The following WDR70 variants were observed in gnomAD, a reference collection of about 807,000 sequenced individuals.
WDR70 encodes WD repeat domain 70.
A neutral mutation model predicts 88.6 loss-of-function variants in WDR70; 53 were observed. The ratio of observed to expected loss-of-function variants is 0.60; its 90% CI spans 0.48 to 0.75. WDR70 has a LOEUF of 0.75. Among genes scored for constraint, WDR70 ranks in the 30% least tolerant of loss-of-function variants. WDR70 has a pLI of 0.00. For missense variants in WDR70, 610 were observed against 823.2 expected (o/e 0.74, Z 3.17); for synonymous variants, 280 against 270.0 (o/e 1.04, Z -0.36).
chr5:37,610,039 C>T (rs1418828271), intron 10 of WDR70, among the ~76,000 whole-genome samples: 2 of 152,000 alleles, frequency 1.3e-5, no homozygotes, highest in Admixed American at 6.5e-5. Context: ...GCCTGCAATC[C>T]CAGCACTTTG....
intron 5 of WDR70, among the ~76,000 whole-genome samples, chr5:37,424,845 T>C (rs1750072248): frequency 6.6e-6 from 1 of 152,234 alleles, no homozygotes; most frequent in Non-Finnish European, 1.5e-5. Flanking sequence ...TTTTTATATG[T>C]GCCTACTATA....
intron 5 of WDR70, among the ~76,000 whole-genome samples, chr5:37,406,446 C>T (rs1749356058): frequency 6.6e-6 from 1 of 152,162 alleles, no homozygotes; most frequent in Non-Finnish European, 1.5e-5. Flanking sequence ...AATATAGAAT[C>T]GTGATTAAGA....
At chr5:37,571,424 G>C (rs1440295697) in intron 9 of WDR70, among the ~76,000 whole-genome samples, 1 of 152,158 alleles carries the variant, frequency 6.6e-6, no homozygotes, top group African/African-American at 2.4e-5. Context: ...ATATTTAACA[G>C]TCAGTCAAAG....
intron 13 of WDR70, among the ~76,000 whole-genome samples, chr5:37,710,501 CAA>C (rs1747481077): frequency 6.6e-6 from 1 of 152,124 alleles, no homozygotes; most frequent in African/African-American, 2.4e-5. Flanking sequence ...TCGTGGAAGA[CAA>C]TATTTCCACA....
At chr5:37,624,958 T>A (rs487325) in intron 10 of WDR70, among the ~76,000 whole-genome samples, 4,620 of 152,226 alleles carry the variant, frequency 0.03, 243 homozygotes, top group African/African-American at 0.11. Context: ...GTTTTTACAC[T>A]GAAAGCCAGA....
chr5:37,585,932 T>C (rs915410913), intron 9 of WDR70, among the ~76,000 whole-genome samples: 3 of 152,204 alleles, frequency 2.0e-5, no homozygotes, highest in Non-Finnish European at 2.9e-5. Flanking sequence ...TCTCCAGATA[T>C]GTGTGCACCT....
chr5:37,521,373 A>T (rs574115454), intron 9 of WDR70, among the ~76,000 whole-genome samples: 21 of 152,314 alleles, frequency 1.4e-4, no homozygotes, highest in Non-Finnish European at 2.2e-4. Flanking sequence ...TTTGGGGGAC[A>T]AGTGGTATTT....
At position 37,736,074 on chromosome 5, in the gene WDR70, T is replaced by A. The variant is rs1748298266; in HGVS notation, c.1877+9029T>A. Among the ~76,000 whole-genome samples, 3 of 152,182 alleles carry A rather than the reference T, an allele frequency of 2.0e-5. No homozygotes were observed. In the South Asian group the frequency reaches 6.2e-4, roughly 31 times the overall value. On this transcript the variant is annotated intron_variant, in intron 17 of 17. Coordinates refer to ENST00000265107, the MANE Select transcript of WDR70 (RefSeq NM_018034.4). ...TACACATAGGCAGATTCAGTTTCAGTTTCTTGTAAGAAGATGCTGCTGGAG... is the reference window on the plus strand; with the variant it reads ...TACACATAGGCAGATTCAGTTTCAGATTCTTGTAAGAAGATGCTGCTGGAG...
At chr5:37,740,500 A>T (rs2112729774) in intron 17 of WDR70, among the ~76,000 whole-genome samples, 1 of 152,292 alleles carries the variant, frequency 6.6e-6, no homozygotes, top group East Asian at 1.9e-4. Context: ...CCTAGTCTTT[A>T]TTCAGCAAAC....
At chr5:37,654,320 GA>G (rs1363046776) in intron 10 of WDR70, among the ~76,000 whole-genome samples, 1 of 152,124 alleles carries the variant, frequency 6.6e-6, no homozygotes, top group Admixed American at 6.5e-5. Context: ...TGTTTGTCAT[GA>G]TTTCTGTTCT....
intron 9 of WDR70, among the ~76,000 whole-genome samples, chr5:37,598,871 T>G (rs554390666): frequency 1.2e-3 from 190 of 152,280 alleles, no homozygotes; most frequent in Non-Finnish European, 2.0e-3. Context: ...AATGAAAACA[T>G]CCAGAAGACA....
At chr5:37,570,111 C>T (rs1414319617) in intron 9 of WDR70, among the ~76,000 whole-genome samples, 1 of 151,986 alleles carries the variant, frequency 6.6e-6, no homozygotes, top group Non-Finnish European at 1.5e-5. Context: ...GTAATTTATA[C>T]TAGAGGCGAT....
At chr5:37,506,455 C>T (rs376250585) in intron 8 of WDR70, 15 of 767,140 alleles carry the variant, frequency 2.0e-5, no homozygotes, top group Non-Finnish European at 3.6e-5. Flanking sequence ...ATTAAGAAGG[C>T]TCCTCTATGA....
At chr5:37,533,737 G>A (rs935071439) in intron 9 of WDR70, among the ~76,000 whole-genome samples, 1 of 152,094 alleles carries the variant, frequency 6.6e-6, no homozygotes, top group African/African-American at 2.4e-5. Context: ...TATTCCCAGG[G>A]AGATTATGGC....
intron 9 of WDR70, among the ~76,000 whole-genome samples, chr5:37,569,971 T>C (rs1742853034): frequency 6.6e-6 from 1 of 152,118 alleles, no homozygotes. Flanking sequence ...TAGGGACTAA[T>C]AGTAAGAGAC....
intron 17 of WDR70, among the ~76,000 whole-genome samples, chr5:37,746,079 C>G (rs1364646392): frequency 6.6e-6 from 1 of 152,190 alleles, no homozygotes; most frequent in South Asian, 2.1e-4. Flanking sequence ...AACAGCCTCT[C>G]AGACCTCAGT....
chr5:37,392,585 C>T (rs1748870905), intron 4 of WDR70, among the ~76,000 whole-genome samples: 1 of 151,792 alleles, frequency 6.6e-6, no homozygotes, highest in Non-Finnish European at 1.5e-5. Flanking sequence ...CTGACATGAT[C>T]TGTCCGCCTC....
intron 8 of WDR70, among the ~76,000 whole-genome samples, chr5:37,507,863 T>C (rs540649505): frequency 6.6e-6 from 1 of 152,326 alleles, no homozygotes; most frequent in East Asian, 1.9e-4. Flanking sequence ...TTTTTTTGAA[T>C]GTTGTTTTTT....
At chr5:37,437,288 A>G (rs1750496267) in intron 5 of WDR70, among the ~76,000 whole-genome samples, 1 of 152,084 alleles carries the variant, frequency 6.6e-6, no homozygotes, top group Admixed American at 6.6e-5. Context: ...TTTAACTTTG[A>G]AGGGTTAAAA....
Sources: allele counts gnomAD v4.1 joint callset (sites outside exome capture counted in the v4.1 genomes callset), GRCh38; gene constraint gnomAD v4.1.1; transcripts MANE v1.5; gene names NCBI Gene and HGNC (gene_info 2026-07-23, HGNC 2026-07-21).